Variants in FUBP3 observed in about 807,000 individuals in gnomAD.
FUBP3 encodes far upstream element binding protein 3.
In FUBP3, 28 loss-of-function variants were observed where a neutral mutation model predicts 85.6. That is an observed-to-expected ratio of 0.33 (90% confidence interval 0.24 to 0.45). The LOEUF (loss-of-function observed/expected upper bound fraction) is 0.45. Among genes scored for constraint, FUBP3 ranks in the 20% least tolerant of loss-of-function variants. The probability of loss-of-function intolerance (pLI) is 1.00; values close to 1 mark genes in which losing one functional copy is unlikely to be tolerated. For synonymous variants in FUBP3, 271 were observed against 271.4 expected (o/e 1.00, Z 0.01); for missense variants, 583 against 755.1 (o/e 0.77, Z 2.67).
chr9:130,598,623 G>T (rs1176354816), intron 2 of FUBP3, among the ~76,000 whole-genome samples: 29 of 152,232 alleles, frequency 1.9e-4, no homozygotes, highest in Admixed American at 1.9e-3. Context: ...TTGGCCTAGG[G>T]AATCACTAAC....
At chr9:130,606,973 TTTGA>T (rs112943045) in intron 2 of FUBP3, among the ~76,000 whole-genome samples, 2 of 152,182 alleles carry the variant, frequency 1.3e-5, no homozygotes, top group East Asian at 1.9e-4. Context: ...TTATTGTTTG[TTTGA>T]TTGATTGATT....
intron 1 of FUBP3, among the ~76,000 whole-genome samples, chr9:130,580,075 GAACC>G (rs1458360427): frequency 1.3e-5 from 2 of 152,204 alleles, no homozygotes; most frequent in African/African-American, 4.8e-5. Context: ...GCGGGGTTCT[GAACC>G]TCGCGAGGGG....
At chr9:130,582,125 AG>A (rs373698942) in intron 1 of FUBP3, 4 of 152,354 alleles carry the variant, frequency 2.6e-5, no homozygotes, top group African/African-American at 9.6e-5. Flanking sequence ...TGGCACAAGC[AG>A]GTAATTTACA....
chr9:130,599,804 C>T (rs1831062216), intron 2 of FUBP3, among the ~76,000 whole-genome samples: 1 of 152,162 alleles, frequency 6.6e-6, no homozygotes, highest in Admixed American at 6.5e-5. Context: ...GGAGCCTCTC[C>T]CTGCAGTCAG....
intron 2 of FUBP3, among the ~76,000 whole-genome samples, chr9:130,602,223 T>C (rs1229242574): frequency 6.6e-6 from 1 of 152,194 alleles, no homozygotes; most frequent in Non-Finnish European, 1.5e-5. Context: ...TCTCCATGGC[T>C]TCAGCCACCT....
rs116711897 is a variant in FUBP3 at position 130,623,726 on chromosome 9, G to A, written c.975+15G>A. The A allele has an allele frequency of 6.4e-7, 1 of 1,565,638 alleles. No individual in the cohort carries two copies. Reference sequence around the variant, plus strand: ...TTACAGCCCAGGTGGGTCCAGCTCTGCAGAGTGTGAGTGTTTGGGCTGCAG... The same window carrying A: ...TTACAGCCCAGGTGGGTCCAGCTCTACAGAGTGTGAGTGTTTGGGCTGCAG... On this transcript the variant is annotated intron_variant, in intron 11 of 18. Transcript: ENST00000319725.
intron 2 of FUBP3, among the ~76,000 whole-genome samples, chr9:130,604,503 A>C (rs1451743064): frequency 1.3e-5 from 2 of 152,244 alleles, no homozygotes; most frequent in Non-Finnish European, 2.9e-5. Context: ...CAAGTTCCTT[A>C]ACGTCTCTGA....
At chr9:130,609,197 C>A (rs1469934777) in intron 2 of FUBP3, among the ~76,000 whole-genome samples, 2 of 152,086 alleles carry the variant, frequency 1.3e-5, no homozygotes, top group East Asian at 3.9e-4. Context: ...AGACACTCAT[C>A]AATAGCTGAA....
intron 1 of FUBP3, among the ~76,000 whole-genome samples, chr9:130,595,185 C>T (rs1588123314): frequency 6.8e-6 from 1 of 147,956 alleles, no homozygotes; most frequent in South Asian, 2.1e-4. Context: ...AAGATCATGC[C>T]ATTGCACTCC....
intron 18 of FUBP3, among the ~76,000 whole-genome samples, 165 bp from the exon 19 acceptor site, chr9:130,636,849 G>T (rs891826784): frequency 1.3e-5 from 2 of 152,110 alleles, no homozygotes; most frequent in South Asian, 2.1e-4. Flanking sequence ...CCCACTGTCC[G>T]CTCTTCCCTG....
chr9:130,606,676 C>T (rs541098656), intron 2 of FUBP3, among the ~76,000 whole-genome samples: 9 of 152,090 alleles, frequency 5.9e-5, no homozygotes, highest in East Asian at 3.9e-4. Flanking sequence ...CAAAATTAGC[C>T]GGGCGTAGTG....
chr9:130,622,899 G>C, intron 10 of FUBP3, 89 bp downstream of exon 10: 1 of 589,806 alleles, frequency 1.7e-6, no homozygotes, highest in Non-Finnish European at 2.9e-6. Context: ...TACAAAACAA[G>C]GGCTTGGCTA....
rs1830878992 is a variant in FUBP3, at chr9:130,596,552, C to T, written c.190+964C>T. The T allele has an allele frequency of 1.9e-5, 4 of 212,956 alleles. No homozygotes were observed. The South Asian group carries it at 2.1e-4, about 11-fold the overall frequency. 13.2% of individuals were successfully genotyped at this position (212,956 alleles called of 1,614,324 possible). A position where few individuals can be genotyped will look rare whatever the true frequency, so the allele number is the denominator to read the frequency against. The stretch of plus-strand genomic sequence containing the variant: ...CCCTCCTTAGCGATGGGATCACACT[C>T]TGCTCAGGCTAGAGTGCAGTGGCGC... On this transcript the variant is annotated intron_variant, in intron 2 of 18. Coordinates refer to ENST00000319725, the MANE Select transcript of FUBP3 (RefSeq NM_003934.2).
chr9:130,628,657 A>G (rs562520114), intron 12 of FUBP3, among the ~76,000 whole-genome samples: 1 of 152,190 alleles, frequency 6.6e-6, no homozygotes, highest in Non-Finnish European at 1.5e-5. Context: ...ACACTCGTGT[A>G]CTTGTGCTTT....
chr9:130,599,167 C>T (rs1320584540), intron 2 of FUBP3, among the ~76,000 whole-genome samples: 1 of 152,122 alleles, frequency 6.6e-6, no homozygotes, highest in Non-Finnish European at 1.5e-5. Flanking sequence ...TGGCACGCGC[C>T]TGTAGTCCCA....
intron 2 of FUBP3, among the ~76,000 whole-genome samples, chr9:130,605,879 T>A (rs561330110): frequency 6.6e-6 from 1 of 151,102 alleles, no homozygotes; most frequent in South Asian, 2.1e-4. Context: ...GGCTACTTGG[T>A]AGGCTGAAGC....
At chr9:130,583,431 A>G (rs556048862) in intron 1 of FUBP3, among the ~76,000 whole-genome samples, 37 of 152,370 alleles carry the variant, frequency 2.4e-4, no homozygotes, top group African/African-American at 8.2e-4. Flanking sequence ...TTCATTGGCC[A>G]GTGGGTTCGC....
At chr9:130,590,062 T>G (rs900383117) in intron 1 of FUBP3, among the ~76,000 whole-genome samples, 1 of 107,056 alleles carries the variant, frequency 9.3e-6, no homozygotes, top group Non-Finnish European at 1.8e-5. Context: ...GCCTGTGACA[T>G]ACCCCCAAGG....
At position 130,618,844 on chromosome 9, in the gene FUBP3, AG is replaced by A. The variant is rs1832147054; in HGVS notation, c.666+951del. Among the ~76,000 whole-genome samples the A allele has an allele frequency of 3.3e-5, 5 of 152,324 alleles. No individual in the cohort carries two copies. The South Asian group carries it at 1.0e-3, about 32-fold the overall frequency. On this transcript the variant is annotated intron_variant, in intron 8 of 18. Transcript: ENST00000319725. Reference sequence around the variant, plus strand: ...CCCTGTCCTTCAGCTAAGCTGGTCAAGGTACACCTGTAAAATAACAGCTTTA... The same window carrying A: ...CCCTGTCCTTCAGCTAAGCTGGTCAAGTACACCTGTAAAATAACAGCTTTA...
Sources: allele counts gnomAD v4.1 joint callset (sites outside exome capture counted in the v4.1 genomes callset), GRCh38; gene constraint gnomAD v4.1.1; transcripts MANE v1.5; gene names NCBI Gene and HGNC (gene_info 2026-07-23, HGNC 2026-07-21).